The following NUTM2B variants were observed in gnomAD, a reference collection of about 807,000 sequenced individuals.
NUTM2B encodes the protein family with sequence similarity 22, member B.
A neutral mutation model predicts 42.4 loss-of-function variants in NUTM2B; 2 were observed. The ratio of observed to expected loss-of-function variants is 0.05; its 90% CI spans 0.02 to 0.15. The LOEUF is 0.15. Ranked by LOEUF, NUTM2B falls within the 10% of genes least tolerant of loss-of-function variation. The pLI is 1.00. For synonymous variants in NUTM2B, 18 were observed against 402.4 expected, an observed-to-expected ratio of 0.04 and a Z score of 11.43; for missense variants, 58 against 952.6, an observed-to-expected ratio of 0.06 and a Z score of 12.36.
rs1245796737 is a variant in NUTM2B, at chr10:79,709,558, G to A, written c.1212-242G>A. ...GTCCCCCGAGACCCTCCTGGACCTC[G>A]TGGCCCTGAGTTGAGTCAGGAAGCC... On this transcript the variant is annotated intron_variant, in intron 3 of 6. Coordinates refer to ENST00000429828, the Ensembl canonical transcript of NUTM2B. Among the ~76,000 whole-genome samples the A allele has an allele frequency of 3.1e-5, 4 of 129,988 alleles. 1 individual carries two copies. Among genetic ancestry groups the A allele is most frequent in the East Asian group, 5.2e-4 (2 of 3,836 alleles). 85.3% of individuals were successfully genotyped at this position (129,988 alleles called of 152,430 possible).
At chr10:79,709,237 GT>G (rs1840445031) in intron 3 of NUTM2B, among the ~76,000 whole-genome samples, 1 of 130,238 alleles carries the variant, frequency 7.7e-6, no homozygotes, top group Admixed American at 8.0e-5. Flanking sequence ...AGGGAGTTGG[GT>G]TGGGGAGATC....
chr10:79,700,855 C>T (rs1272161210), upstream of NUTM2B, among the ~76,000 whole-genome samples: 1 of 152,204 alleles, frequency 6.6e-6, no homozygotes, highest in Non-Finnish European at 1.5e-5. Context: ...AGGAGGGCCC[C>T]GCTGGAGATG....
the NUTM2B span, among the ~76,000 whole-genome samples, chr10:79,698,219 T>C: frequency 6.7e-6 from 1 of 149,182 alleles, no homozygotes; most frequent in African/African-American, 2.5e-5. Context: ...CGCACACAAC[T>C]TTCATATACC....
the NUTM2B span, among the ~76,000 whole-genome samples, chr10:79,694,265 T>C: frequency 4.0e-5 from 6 of 151,784 alleles, no homozygotes; most frequent in African/African-American, 1.5e-4. Flanking sequence ...GGCTTGGTGG[T>C]GCATGCCTGT....
chr10:79,709,658 G>A, intron 3 of NUTM2B, 142 bp from the exon 4 acceptor site: 9 of 1,288,206 alleles, frequency 7.0e-6, no homozygotes, highest in Non-Finnish European at 9.1e-6. Flanking sequence ...GTTTTCTCCT[G>A]GGACTGGGGG....
At chr10:79,698,259 C>T (rs1024937541), upstream of NUTM2B, among the ~76,000 whole-genome samples, 1 of 151,890 alleles carries the variant, frequency 6.6e-6, no homozygotes, top group Non-Finnish European at 1.5e-5. Flanking sequence ...ACACAAATAT[C>T]CCCAATCCCT....
intron 1 of NUTM2B, among the ~76,000 whole-genome samples, chr10:79,705,165 T>C (rs1412426921): frequency 1.6e-5 from 2 of 124,254 alleles, no homozygotes; most frequent in Admixed American, 1.7e-4. Context: ...CTTGTCCCAC[T>C]ACCTATTGTA....
chr10:79,692,927 C>G, the NUTM2B span, among the ~76,000 whole-genome samples: 1 of 152,174 alleles, frequency 6.6e-6, no homozygotes, highest in Non-Finnish European at 1.5e-5. Flanking sequence ...GACCACTGAG[C>G]CCCAAGCTGA....
At chr10:79,695,038 C>T in the NUTM2B span, among the ~76,000 whole-genome samples, 1 of 152,206 alleles carries the variant, frequency 6.6e-6, no homozygotes, top group African/African-American at 2.4e-5. Context: ...TGTCTGGCTT[C>T]TGCCCCAGGA....
In NUTM2B at chr10:79,706,958, A is replaced by C. The variant is rs1392696059; in HGVS notation, c.1082+217A>C. On this transcript the variant is annotated intron_variant, in intron 2 of 6. Transcript: ENST00000429828. ...CTCAACTGCCCGTCACTGTCCCGTG[A>C]GTCCGGCCAATCCTTACTTTCAATA... Among the ~76,000 whole-genome samples the C allele has an allele frequency of 3.6e-5, 4 of 109,936 alleles. 1 individual carries two copies. The Admixed American group carries it at 3.7e-4, about 10-fold the overall frequency. The allele number at this position is 109,936 out of a possible 152,430, so 72.1% of individuals were successfully genotyped here. A position where few individuals can be genotyped will look rare whatever the true frequency, so the allele number is the denominator to read the frequency against.
upstream of NUTM2B, among the ~76,000 whole-genome samples, chr10:79,700,529 C>A (rs4979872): frequency 0.12 from 17,514 of 151,720 alleles, 385 homozygotes; most frequent in East Asian, 0.23. Flanking sequence ...ACGCTCCCGC[C>A]TTGAGCACAG....
At chr10:79,696,246 G>T in the NUTM2B span, among the ~76,000 whole-genome samples, 4 of 149,708 alleles carry the variant, frequency 2.7e-5, no homozygotes, top group Non-Finnish European at 5.9e-5. Flanking sequence ...AGTGGTGTAA[G>T]TATCTCAGCA....
At chr10:79,698,925 C>A (rs950085664), upstream of NUTM2B, among the ~76,000 whole-genome samples, 1 of 152,144 alleles carries the variant, frequency 6.6e-6, no homozygotes, top group African/African-American at 2.4e-5. Flanking sequence ...TTCCACAATA[C>A]CTGCACATAT....
chr10:79,692,212 G>T, the NUTM2B span, among the ~76,000 whole-genome samples: 2 of 152,214 alleles, frequency 1.3e-5, no homozygotes, highest in Admixed American at 1.3e-4. Flanking sequence ...AGGGAAATGG[G>T]CAGTTATGTT....
intron 3 of NUTM2B, among the ~76,000 whole-genome samples, chr10:79,709,389 G>C (rs1258972064): frequency 7.4e-6 from 1 of 135,352 alleles, no homozygotes; most frequent in Non-Finnish European, 1.6e-5. Context: ...GCTTCCTCCT[G>C]ACCAGGAGTC....
At chr10:79,692,863 T>C in the NUTM2B span, among the ~76,000 whole-genome samples, 3 of 152,192 alleles carry the variant, frequency 2.0e-5, no homozygotes, top group Non-Finnish European at 4.4e-5. Flanking sequence ...ACCATGGACA[T>C]ACTTATTACT....
chr10:79,710,882 G>A, intron 5 of NUTM2B, 118 bp downstream of exon 5: 7 of 1,272,192 alleles, frequency 5.5e-6, no homozygotes, highest in Non-Finnish European at 7.3e-6. Flanking sequence ...ATGGATTTGA[G>A]TGTCTGTGTA....
chr10:79,700,821 C>T (rs868364582), upstream of NUTM2B, among the ~76,000 whole-genome samples: 16 of 152,358 alleles, frequency 1.1e-4, no homozygotes, highest in Admixed American at 6.5e-4. Context: ...CGGCGGCACA[C>T]GGGGCAGGCC....
At chr10:79,706,959 G>C (rs1190570474) in intron 2 of NUTM2B, among the ~76,000 whole-genome samples, 1 of 109,980 alleles carries the variant, frequency 9.1e-6, no homozygotes, top group African/African-American at 4.7e-5. Context: ...TGTCCCGTGA[G>C]TCCGGCCAAT....
Sources: gnomAD v4.1 joint callset for allele counts (sites outside exome capture counted in the v4.1 genomes callset) on GRCh38, gnomAD v4.1.1 for gene constraint, MANE v1.5 for transcripts, NCBI Gene and HGNC (gene_info 2026-07-23, HGNC 2026-07-21) for gene names.